The following DIP2B variants were observed in gnomAD, a reference collection of about 807,000 sequenced individuals.
DIP2B encodes the protein DIP2 acetate--CoA ligase B (putative), also known as disco-interacting protein 2 homolog B.
Under a neutral mutation model 198.0 loss-of-function variants are expected in DIP2B, and 76 were observed. The ratio of observed to expected loss-of-function variants is 0.38; its 90% CI spans 0.32 to 0.46. The LOEUF is 0.46. Among genes scored for constraint, DIP2B ranks in the 20% least tolerant of loss-of-function variants. The pLI, the probability that DIP2B is intolerant of heterozygous loss-of-function variation, is 0.99. For missense variants in DIP2B, 1,559 were observed against 1,978.4 expected, an observed-to-expected ratio of 0.79 and a Z score of 4.02; for synonymous variants, 701 against 739.1, an observed-to-expected ratio of 0.95 and a Z score of 0.84.
rs753667447 is a variant in DIP2B at position 50,728,659 on chromosome 12, G to A, written c.3622G>A (p.Ala1208Thr). ...CLDPYCGLGF[A>T]LWCLCSVYSG... is the part of the protein sequence containing the mutation. ...TGACCCTTACTGTGGACTTGGCTTCGCGCTCTGGTGTCTCTGCAGGTAGGG... is the reference window on the plus strand; with the variant it reads ...TGACCCTTACTGTGGACTTGGCTTCACGCTCTGGTGTCTCTGCAGGTAGGG... Residue 1208 changes from alanine to threonine, a missense_variant, in exon 30 of 38, where the codon GCG becomes ACG. Physicochemically the swap from Ala to Thr is moderately conservative, Grantham distance 58. Coordinates refer to ENST00000301180, the MANE Select transcript of DIP2B (RefSeq NM_173602.3). 1.5e-5 allele frequency: 25 copies of A among 1,613,810 alleles called. No homozygotes were observed. Among genetic ancestry groups the A allele is most frequent in the Middle Eastern group, 1.7e-4 (1 of 6,004 alleles).
chr12:50,626,606 C>T (rs547559263), intron 2 of DIP2B, among the ~76,000 whole-genome samples: 21 of 152,288 alleles, frequency 1.4e-4, no homozygotes, highest in African/African-American at 4.8e-4. Flanking sequence ...AAGGCTGTCT[C>T]TAAATAATCA....
chr12:50,695,903 G>A lies in DIP2B; in HGVS notation c.1869G>A (p.Arg623=), dbSNP rs1335324632. The A allele has an allele frequency of 1.2e-6, 2 of 1,614,100 alleles. No individual in the cohort carries two copies. The highest frequency in any genetic ancestry group is 8.5e-7 in the Non-Finnish European group (1 of 1,179,968). ...RDLHWAMMAH[R]DQRDVSLSSL... is the part of the protein sequence containing the mutation. The stretch of plus-strand genomic sequence containing the variant: ...TGCACTGGGCTATGATGGCACATCG[G>A]GACCAAAGAGACGTGAGCTTGAGTT... The change falls in exon 16 of 38, where the codon CGG becomes CGA. Residue 623 remains arginine (R), a synonymous_variant. Coordinates refer to ENST00000301180, the MANE Select transcript of DIP2B (RefSeq NM_173602.3).
intron 22 of DIP2B, among the ~76,000 whole-genome samples, chr12:50,711,662 A>G (rs531651352): frequency 1.3e-5 from 2 of 152,278 alleles, no homozygotes; most frequent in Admixed American, 6.5e-5. Flanking sequence ...CCCGGTTTCA[A>G]GCAATTCTCC....
At chr12:50,552,855 A>G (rs1375648059) in intron 1 of DIP2B, among the ~76,000 whole-genome samples, 1 of 151,840 alleles carries the variant, frequency 6.6e-6, no homozygotes, top group East Asian at 1.9e-4. Flanking sequence ...ATTTTGAGTT[A>G]TTTTATTTAT....
chr12:50,613,825 A>G (rs1252740004), intron 1 of DIP2B, among the ~76,000 whole-genome samples: 2 of 152,162 alleles, frequency 1.3e-5, no homozygotes, highest in African/African-American at 4.8e-5. Flanking sequence ...TTCTTTTCAG[A>G]TGTCTATGCT....
rs148128258 is a variant in DIP2B at position 50,625,425 on chromosome 12, A to C, written c.101-551A>C. On this transcript the variant is annotated intron_variant, in intron 1 of 37. Coordinates refer to ENST00000301180, the MANE Select transcript of DIP2B (RefSeq NM_173602.3). ...TTGTGGAAAGGAGAGCCACATGAGT[A>C]AATAAGACAAAGCATTGAACCAAGG... Among the ~76,000 whole-genome samples the C allele has an allele frequency of 3.5e-3, 537 of 152,350 alleles. 1 individual carries two copies. The highest frequency in any genetic ancestry group is 0.034 in the Middle Eastern group (10 of 294).
chr12:50,570,233 T>C (rs1417831705), intron 1 of DIP2B, among the ~76,000 whole-genome samples: 2 of 152,196 alleles, frequency 1.3e-5, no homozygotes, highest in African/African-American at 4.8e-5. Flanking sequence ...CTCTTGGGGA[T>C]TTGTCTTTTA....
At chr12:50,739,255 A>G (rs913082649) in intron 35 of DIP2B, among the ~76,000 whole-genome samples, 154 bp from the exon 36 acceptor site, 11 of 152,352 alleles carry the variant, frequency 7.2e-5, no homozygotes, top group African/African-American at 2.4e-4. Context: ...TAGGTACATG[A>G]TGAGCACGTG....
intron 8 of DIP2B, 97 bp from the exon 9 acceptor site, chr12:50,680,575 G>T (rs866075018): frequency 1.8e-6 from 2 of 1,126,918 alleles, no homozygotes; most frequent in African/African-American, 1.6e-5. Context: ...AGTGGCCATT[G>T]TCTCATTAAC....
At chr12:50,608,360 ACC>A (rs1213956396) in intron 1 of DIP2B, among the ~76,000 whole-genome samples, 2 of 152,114 alleles carry the variant, frequency 1.3e-5, no homozygotes, top group Non-Finnish European at 2.9e-5. Flanking sequence ...GGTGGGTCAC[ACC>A]TGTAATCCCA....
intron 1 of DIP2B, among the ~76,000 whole-genome samples, chr12:50,508,958 C>T (rs1451505959): frequency 6.6e-6 from 1 of 152,160 alleles, no homozygotes; most frequent in African/African-American, 2.4e-5. Flanking sequence ...CCTTGGCCTC[C>T]TGAAGTGCTG....
rs60978324 is a variant in DIP2B at position 50,540,053 on chromosome 12, G to GTT, written c.100+34841_100+34842dup. On this transcript the variant is annotated intron_variant, in intron 1 of 37. Coordinates refer to ENST00000301180, the MANE Select transcript of DIP2B (RefSeq NM_173602.3). ...TGGCAGGTAGTTTAGTTGTTTCTGT[G>GTT]TTTTTTTTTTTTTTTTTTTTTTTTT... Among the ~76,000 whole-genome samples, 132 of 44,114 alleles carry GTT rather than the reference G, an allele frequency of 3.0e-3. 2 individuals are homozygous for GTT. The highest frequency in any genetic ancestry group is 0.018 in the East Asian group (28 of 1,588). The allele number at this position is 44,114 out of a possible 152,430, so 28.9% of individuals were successfully genotyped here.
chr12:50,744,063 G>A (rs910589778), intron 37 of DIP2B, among the ~76,000 whole-genome samples: 14 of 152,220 alleles, frequency 9.2e-5, no homozygotes, highest in East Asian at 1.9e-4. Flanking sequence ...GTGTAGTGGC[G>A]CAAACTTGGC....
At chr12:50,554,875 C>G (rs1040846461) in intron 1 of DIP2B, among the ~76,000 whole-genome samples, 24 of 150,514 alleles carry the variant, frequency 1.6e-4, no homozygotes, top group Non-Finnish European at 3.0e-4. Flanking sequence ...TCAAGTGATT[C>G]CCCTGCCTCA....
intron 4 of DIP2B, among the ~76,000 whole-genome samples, chr12:50,670,597 A>G (rs926966979): frequency 4.0e-5 from 6 of 151,834 alleles, no homozygotes; most frequent in Admixed American, 3.9e-4. Context: ...TTGTATTTTT[A>G]GTAGAGATGG....
In DIP2B at chr12:50,714,400, C is replaced by T. The variant is rs746954502; in HGVS notation, c.2655C>T (p.Ile885=). Reference sequence around the variant, plus strand: ...TTTTGTTTGTATTTTTCTAGGCGATCGATAGCATTCATCAAGTGGGGGTTT... The same window carrying T: ...TTTTGTTTGTATTTTTCTAGGCGATTGATAGCATTCATCAAGTGGGGGTTT... The part of the protein sequence containing the change: ...FQWMSRVLQA[I]DSIHQVGVYC... Residue 885 remains isoleucine (I), a synonymous_variant, in exon 23 of 38, where the codon ATC becomes ATT. Transcript: ENST00000301180. 1.4e-5 allele frequency: 22 copies of T among 1,614,022 alleles called. No individual in the cohort carries two copies. Among genetic ancestry groups the T allele is most frequent in the African/African-American group, 5.3e-5 (4 of 74,912 alleles).
rs559522756 is a variant in DIP2B, at chr12:50,515,749, T to C, written c.100+10509T>C. 3.3e-5 allele frequency among the ~76,000 whole-genome samples: 5 copies of C among 152,338 alleles called. No homozygotes were observed. The East Asian group carries it at 9.6e-4, about 29-fold the overall frequency. ...TGCCCAGGGCTTCAGCTGTCATGGC[T>C]GTGCACGTGGTTCCCTAGTCTGTAT... On this transcript the variant is annotated intron_variant, in intron 1 of 37. Coordinates refer to ENST00000301180, the MANE Select transcript of DIP2B (RefSeq NM_173602.3).
rs578008501 is a variant in DIP2B, at chr12:50,660,667, A to G, written c.427+348A>G. Among the ~76,000 whole-genome samples the G allele has an allele frequency of 6.6e-5, 10 of 152,264 alleles. No individual in the cohort carries two copies. In the East Asian group the frequency reaches 1.4e-3, roughly 21 times the overall value. ...ATAGCCACTTTCATTGTCACCCAAT[A>G]TACTACTTGTAGTCATATATCTAAT... is the stretch of plus-strand genomic sequence containing the variant. On this transcript the variant is annotated intron_variant, in intron 4 of 37. Coordinates refer to ENST00000301180, the MANE Select transcript of DIP2B (RefSeq NM_173602.3).
intron 1 of DIP2B, among the ~76,000 whole-genome samples, chr12:50,529,061 G>C (rs1290633429): frequency 1.3e-5 from 2 of 152,176 alleles, no homozygotes; most frequent in Non-Finnish European, 1.5e-5. Context: ...GTTTTACTGT[G>C]GTTAGGAGGG....
Sources: allele counts gnomAD v4.1 joint callset (sites outside exome capture counted in the v4.1 genomes callset), GRCh38; gene constraint gnomAD v4.1.1; transcripts MANE v1.5; gene names NCBI Gene and HGNC (gene_info 2026-07-23, HGNC 2026-07-21).